NRXN3: variants seen among roughly 807,000 people sequenced by gnomAD.
NRXN3 encodes the protein neurexin 3, also known as neurexin III.
Under a neutral mutation model 137.6 loss-of-function variants are expected in NRXN3, and 32 were observed. The observed-to-expected ratio is 0.23, with a 90% CI of 0.18 to 0.31. The LOEUF is 0.31. NRXN3 is among the 10% of genes least tolerant of loss of function. The probability of loss-of-function intolerance (pLI) is 1.00; values close to 1 mark genes in which losing one functional copy is unlikely to be tolerated. For missense variants in NRXN3, 1,574 were observed against 2,062.5 expected (o/e 0.76, Z 4.59); for synonymous variants, 798 against 784.5 (o/e 1.02, Z -0.29).
chr14:79,563,678 A>T (rs2097523371), intron 16 of NRXN3, among the ~76,000 whole-genome samples: 1 of 151,338 alleles, frequency 6.6e-6, no homozygotes, highest in Non-Finnish European at 1.5e-5. Context: ...AAAAAAAAAA[A>T]AGGAGAAAGC....
chr14:78,449,269 G>T (rs1481456165), intron 4 of NRXN3, among the ~76,000 whole-genome samples: 3 of 152,038 alleles, frequency 2.0e-5, no homozygotes, highest in African/African-American at 7.2e-5. Context: ...TAGGAATATC[G>T]TGGCGCGATC....
chr14:78,216,138 AG>A, intron 1 of NRXN3, among the ~76,000 whole-genome samples: 1 of 152,190 alleles, frequency 6.6e-6, no homozygotes. Flanking sequence ...AACCCTCTTG[AG>A]ACTGGATAGA....
intron 4 of NRXN3, chr14:78,602,533 A>G (rs1231959327): frequency 1.2e-4 from 18 of 152,180 alleles, no homozygotes; most frequent in Admixed American, 1.2e-3. Context: ...ACTCTGGGTC[A>G]GTGTAGCTTT....
At chr14:78,779,437 T>A (rs2098760558) in intron 8 of NRXN3, among the ~76,000 whole-genome samples, 1 of 151,972 alleles carries the variant, frequency 6.6e-6, no homozygotes, top group Admixed American at 6.6e-5. Flanking sequence ...AAAGCAAGAA[T>A]GAATACTATC....
chr14:78,367,733 C>T (rs2086194975), intron 4 of NRXN3, among the ~76,000 whole-genome samples: 1 of 152,174 alleles, frequency 6.6e-6, no homozygotes, highest in Admixed American at 6.5e-5. Context: ...GCCTTGGGAG[C>T]TCCTTGGCAT....
chr14:78,336,976 C>A (rs2081549220), intron 4 of NRXN3, among the ~76,000 whole-genome samples: 1 of 152,234 alleles, frequency 6.6e-6, no homozygotes, highest in Middle Eastern at 3.4e-3. Context: ...TAGCACAGGT[C>A]CTCTCTGATT....
At position 79,863,501 on chromosome 14, in the gene NRXN3, CTG is replaced by C. The variant is rs1461071182; in HGVS notation, c.*1541_*1542del. 2 of 147,762 alleles carry C rather than the reference CTG, an allele frequency of 1.4e-5. No individual in the cohort carries two copies. The highest frequency in any genetic ancestry group is 3.0e-5 in the Non-Finnish European group (2 of 67,640). 9.2% of individuals were successfully genotyped at this position (147,762 alleles called of 1,614,324 possible). A position where few individuals can be genotyped will look rare whatever the true frequency, so the allele number is the denominator to read the frequency against. ...TGAATTTTAGTTTTGTCACAGTTAA[CTG>C]TGTCAAAGAGAATTAAAAAAAAAAA... On this transcript the variant is annotated 3_prime_UTR_variant, in exon 21 of 21. Coordinates refer to ENST00000335750, the MANE Select transcript of NRXN3 (RefSeq NM_001330195.2).
At chr14:79,137,273 G>T (rs1283833304) in intron 15 of NRXN3, among the ~76,000 whole-genome samples, 1 of 152,186 alleles carries the variant, frequency 6.6e-6, no homozygotes, top group Non-Finnish European at 1.5e-5. Context: ...GGTGACAGGA[G>T]AGTGTTCTGT....
At chr14:79,616,629 A>G (rs2098159417) in intron 16 of NRXN3, among the ~76,000 whole-genome samples, 3 of 152,158 alleles carry the variant, frequency 2.0e-5, no homozygotes, top group African/African-American at 7.2e-5. Flanking sequence ...TTACCTGTAT[A>G]CCAAACCTGC....
intron 20 of NRXN3, among the ~76,000 whole-genome samples, chr14:79,830,719 T>C (rs2099320669): frequency 6.6e-6 from 1 of 152,192 alleles, no homozygotes; most frequent in African/African-American, 2.4e-5. Flanking sequence ...TGAGTAACCA[T>C]AGACACAGGC....
At chr14:79,805,631 T>G (rs1197422751) in intron 20 of NRXN3, among the ~76,000 whole-genome samples, 1 of 152,168 alleles carries the variant, frequency 6.6e-6, no homozygotes, top group African/African-American at 2.4e-5. Context: ...TAAAGATTGG[T>G]AAATGACTTA....
At chr14:79,417,703 T>C (rs760191051) in intron 15 of NRXN3, among the ~76,000 whole-genome samples, 5 of 152,164 alleles carry the variant, frequency 3.3e-5, no homozygotes, top group African/African-American at 4.8e-5. Flanking sequence ...CGATTGAAAC[T>C]GATGAAAATA....
chr14:79,151,252 A>G (rs1243252538), intron 15 of NRXN3, among the ~76,000 whole-genome samples: 1 of 152,080 alleles, frequency 6.6e-6, no homozygotes, highest in Non-Finnish European at 1.5e-5. Context: ...TCTTCAGATT[A>G]GAAATGGTAA....
intron 1 of NRXN3, among the ~76,000 whole-genome samples, chr14:78,228,742 C>T (rs1354894428): frequency 1.3e-5 from 2 of 152,180 alleles, no homozygotes; most frequent in African/African-American, 2.4e-5. Context: ...TTTTATCTGA[C>T]TCTAGTCTAG....
intron 15 of NRXN3, among the ~76,000 whole-genome samples, chr14:78,995,481 T>C (rs1032340840): frequency 6.6e-6 from 1 of 152,214 alleles, no homozygotes; most frequent in African/African-American, 2.4e-5. Context: ...CTATGTTACC[T>C]TGGACATGAT....
intron 15 of NRXN3, among the ~76,000 whole-genome samples, chr14:79,415,690 A>G (rs1457761616): frequency 1.3e-5 from 2 of 152,152 alleles, no homozygotes; most frequent in Non-Finnish European, 2.9e-5. Flanking sequence ...ACCTGTTGTC[A>G]TATCTGTACA....
At chr14:78,735,285 C>CA (rs777642753) in intron 8 of NRXN3, among the ~76,000 whole-genome samples, 5 of 152,048 alleles carry the variant, frequency 3.3e-5, no homozygotes, top group African/African-American at 1.2e-4. Flanking sequence ...ATAAAGTTTG[C>CA]AAACATCTCA....
In NRXN3 at chr14:79,429,762, C is replaced by A. The variant is rs569272496; in HGVS notation, c.3263-37459C>A. Among the ~76,000 whole-genome samples, 5 of 152,310 alleles carry A rather than the reference C, an allele frequency of 3.3e-5. No individual in the cohort carries two copies. In the East Asian group the frequency reaches 5.8e-4, roughly 18 times the overall value. ...CTCTTGAAGAAACAACCAGAAAACACTTTCCCTACTTACAGTGAAATAAGT... is the reference window on the plus strand; with the variant it reads ...CTCTTGAAGAAACAACCAGAAAACAATTTCCCTACTTACAGTGAAATAAGT... On this transcript the variant is annotated intron_variant, in intron 15 of 20. Transcript: ENST00000335750.
chr14:79,462,096 G>A (rs771725698), intron 15 of NRXN3, among the ~76,000 whole-genome samples: 22 of 152,072 alleles, frequency 1.4e-4, no homozygotes, highest in Middle Eastern at 3.2e-3. Flanking sequence ...CTCAGAGGCC[G>A]GGTGTGGTGG....
Sources: gnomAD v4.1 joint callset for allele counts (sites outside exome capture counted in the v4.1 genomes callset) on GRCh38, gnomAD v4.1.1 for gene constraint, MANE v1.5 for transcripts, NCBI Gene and HGNC (gene_info 2026-07-23, HGNC 2026-07-21) for gene names.